Variants in PLEKHG3 observed in about 807,000 individuals in gnomAD.
PLEKHG3 encodes pleckstrin homology and RhoGEF domain containing G3, also known as pleckstrin homology domain-containing family G member 3.
Under a neutral mutation model 94.9 loss-of-function variants are expected in PLEKHG3, and 62 were observed. The observed-to-expected ratio is 0.65, with a 90% CI of 0.53 to 0.81. The LOEUF (loss-of-function observed/expected upper bound fraction) is 0.81. Ranked by LOEUF, PLEKHG3 falls within the 30% of genes least tolerant of loss-of-function variation. The pLI is 0.00. For missense variants in PLEKHG3, 1,461 were observed against 1,619.3 expected (o/e 0.90, Z 1.68); for synonymous variants, 614 against 654.0 (o/e 0.94, Z 0.93).
At position 64,741,707 on chromosome 14, in the gene PLEKHG3, T is replaced by C. The variant is rs199553687; in HGVS notation, c.2190T>C (p.His730=). The change falls in exon 16 of 17, where the codon CAT becomes CAC. Residue 730 remains histidine, a synonymous_variant. Coordinates refer to ENST00000247226, the MANE Select transcript of PLEKHG3 (RefSeq NM_001308147.2). ...IKSYYENAEH[H]DAGFSVRRRE... ...GCTATTATGAAAATGCAGAACACCATGATGCAGGCTTCAGCGTCCGTCGCC... is the reference window on the plus strand; with the variant it reads ...GCTATTATGAAAATGCAGAACACCACGATGCAGGCTTCAGCGTCCGTCGCC... The C allele has an allele frequency of 2.5e-6, 4 of 1,613,058 alleles. No individual in the cohort carries two copies. Among genetic ancestry groups the C allele is most frequent in the Admixed American group, 3.3e-5 (2 of 60,022 alleles).
chr14:64,743,137 C>T lies in PLEKHG3; in HGVS notation c.3094C>T (p.Arg1032Trp), dbSNP rs199994225. 193 of 1,611,538 alleles carry T rather than the reference C, an allele frequency of 1.2e-4. 2 individuals carry two copies. The East Asian group carries it at 1.5e-3, about 13-fold the overall frequency. ...CCAGAGGACCACCTCGCCTGGGGGC[C>T]GGCCCTCCGCCCGGAGCCCCCTCAG... ...VSQRTTSPGG[R>W]PSARSPLSPT... Residue 1032 changes from arginine to tryptophan, a missense_variant, in exon 17 of 17, where the codon CGG becomes TGG. Arg to Trp is a moderately radical substitution (Grantham distance 101). Coordinates refer to ENST00000247226, the MANE Select transcript of PLEKHG3 (RefSeq NM_001308147.2). This position sits in a 1 kb window ranked among gnomAD's most constrained non-coding sequence, Gnocchi z 7.2.
At position 64,737,788 on chromosome 14, in the gene PLEKHG3, C is replaced by G. The variant is rs185527981; in HGVS notation, c.1404+413C>G. 3,600 of 766,246 alleles carry G rather than the reference C, an allele frequency of 4.7e-3. 130 individuals carry two copies. In the African/African-American group the frequency reaches 0.063, roughly 13 times the overall value. The allele number at this position is 766,246 out of a possible 1,614,324, so 47.5% of individuals were successfully genotyped here. ...GTGGCTTTCTGTGTGAAGGCTCCCC[C>G]CCCGCAGCTGCCTGCAGGAGGACGG... is the stretch of plus-strand genomic sequence containing the variant. On this transcript the variant is annotated intron_variant, in intron 14 of 16. Transcript: ENST00000247226.
chr14:64,731,465 G>A lies in PLEKHG3; in HGVS notation c.954G>A (p.Arg318=), dbSNP rs201067924. The change falls in exon 8 of 17, where the codon AGG becomes AGA. Residue 318 remains arginine, a synonymous_variant. Coordinates refer to ENST00000247226, the MANE Select transcript of PLEKHG3 (RefSeq NM_001308147.2). The surrounding 1 kb of genome is among the most constrained non-coding windows in gnomAD (Gnocchi z 6.1). ...GCGTGCATCGCGTGCGCAATGAAAG[G>A]ACCTTTTTCCTCTTTGACAAAACAC... ...TFRVHRVRNE[R]TFFLFDKTLL... is the part of the protein sequence containing the mutation. The A allele has an allele frequency of 6.2e-6, 10 of 1,614,088 alleles. No homozygotes were observed. The East Asian group carries it at 1.6e-4, about 25-fold the overall frequency.
Position 64,749,069 on chromosome 14 carries a change from A to T in PLEKHG3, c.*5366A>T, listed in dbSNP as rs925702440. 3 of 448,692 alleles carry T rather than the reference A, an allele frequency of 6.7e-6. No homozygotes were observed. The highest frequency in any genetic ancestry group is 1.2e-5 in the Non-Finnish European group (3 of 252,222). 27.8% of individuals were successfully genotyped at this position (448,692 alleles called of 1,614,324 possible). A position where few individuals can be genotyped will look rare whatever the true frequency, so the allele number is the denominator to read the frequency against. The stretch of plus-strand genomic sequence containing the variant: ...GGCCTGGAGGCCCCAAAGGCGCCAG[A>T]GGAGCTGGGAGCCCCTGTCCCTGGA... On this transcript the variant is annotated 3_prime_UTR_variant, in exon 17 of 17. Coordinates refer to ENST00000247226, the MANE Select transcript of PLEKHG3 (RefSeq NM_001308147.2). The surrounding 1 kb of genome is among the most constrained non-coding windows in gnomAD (Gnocchi z 4.7).
At position 64,741,934 on chromosome 14, in the gene PLEKHG3, C is replaced by A; in HGVS notation, c.2417C>A (p.Ala806Asp). ...GGGGACCCACCTCCCATCTCAGATG[C>A]TGAGTTCCGCCCATCTTCAGAAATT... ...VKGDPPPISD[A>D]EFRPSSEIVK... is the part of the protein sequence containing the mutation. The change falls in exon 16 of 17, where the codon GCT becomes GAT. Residue 806 changes from alanine (A) to aspartate (D), a missense_variant. Physicochemically the swap from Ala to Asp is moderately radical, Grantham distance 126 (BLOSUM62 -2). Coordinates refer to ENST00000247226, the MANE Select transcript of PLEKHG3 (RefSeq NM_001308147.2). 1 of 1,584,576 alleles carries A rather than the reference C, an allele frequency of 6.3e-7. No homozygotes were observed. The highest frequency in any genetic ancestry group is 1.2e-5 in the South Asian group (1 of 86,304).
At position 64,731,604 on chromosome 14, in the gene PLEKHG3, C is replaced by T. The variant is rs2081466315; in HGVS notation, c.1032+61C>T. The stretch of plus-strand genomic sequence containing the variant: ...CTCTCCTTCCCAAAGGATCTGGGCT[C>T]CCCTTCTTGTCTGCTTCTTGGGGCT... On this transcript the variant is annotated intron_variant, in intron 8 of 16. Coordinates refer to ENST00000247226, the MANE Select transcript of PLEKHG3 (RefSeq NM_001308147.2). This position sits in a 1 kb window ranked among gnomAD's most constrained non-coding sequence, Gnocchi z 6.1. The T allele has an allele frequency of 6.4e-7, 1 of 1,568,084 alleles. No individual in the cohort carries two copies. Among genetic ancestry groups the T allele is most frequent in the Non-Finnish European group, 8.8e-7 (1 of 1,138,662 alleles).
At position 64,731,245 on chromosome 14, in the gene PLEKHG3, C is replaced by A; in HGVS notation, c.849+76C>A. ...CTTCCGCTGGGAAGAGGGACTGTGG[C>A]CACCCTGCTGGGATGAGCTGGGCAG... On this transcript the variant is annotated intron_variant, in intron 7 of 16. Coordinates refer to ENST00000247226, the MANE Select transcript of PLEKHG3 (RefSeq NM_001308147.2). The surrounding 1 kb of genome is among the most constrained non-coding windows in gnomAD (Gnocchi z 6.1). 1 of 1,483,480 alleles carries A rather than the reference C, an allele frequency of 6.7e-7. No homozygotes were observed. Among genetic ancestry groups the A allele is most frequent in the South Asian group, 1.2e-5 (1 of 84,198 alleles). 91.9% of individuals were successfully genotyped at this position (1,483,480 alleles called of 1,614,324 possible). A position where few individuals can be genotyped will look rare whatever the true frequency, so the allele number is the denominator to read the frequency against.
Position 64,728,063 on chromosome 14 carries a change from T to G in PLEKHG3, c.351+81T>G, listed in dbSNP as rs2081388279. ...GGAGGGAAGCTCTCAAAAGACCTGCTTCCCATAAAGTAGTTGGAGAACTGG... is the reference window on the plus strand; with the variant it reads ...GGAGGGAAGCTCTCAAAAGACCTGCGTCCCATAAAGTAGTTGGAGAACTGG... On this transcript the variant is annotated intron_variant, in intron 2 of 16. Coordinates refer to ENST00000247226, the MANE Select transcript of PLEKHG3 (RefSeq NM_001308147.2). This position sits in a 1 kb window ranked among gnomAD's most constrained non-coding sequence, Gnocchi z 5.9. The G allele has an allele frequency of 2.2e-5, 20 of 910,520 alleles. No individual in the cohort carries two copies. The highest frequency in any genetic ancestry group is 3.3e-5 in the African/African-American group (2 of 59,784). 56.4% of individuals were successfully genotyped at this position (910,520 alleles called of 1,614,324 possible).
Position 64,750,109 on chromosome 14 carries a change from G to C in PLEKHG3, c.*6406G>C. The C allele has an allele frequency of 1.2e-6, 2 of 1,614,164 alleles. No homozygotes were observed. ...CCAGGTTCTTGGCATCCTTGTAGAAGGTTAGCTCACTGTTCCTGAGCACAC... is the reference window on the plus strand; with the variant it reads ...CCAGGTTCTTGGCATCCTTGTAGAACGTTAGCTCACTGTTCCTGAGCACAC... On this transcript the variant is annotated 3_prime_UTR_variant, in exon 17 of 17. Coordinates refer to ENST00000247226, the MANE Select transcript of PLEKHG3 (RefSeq NM_001308147.2).
At chr14:64,734,710 C>T (rs2081537026) in intron 12 of PLEKHG3, among the ~76,000 whole-genome samples, 1 of 149,624 alleles carries the variant, frequency 6.7e-6, no homozygotes, top group Non-Finnish European at 1.5e-5. Context: ...CCCTCCCTCC[C>T]TCCCTTCCTT....
At chr14:64,736,778 G>T (rs1394943938) in intron 12 of PLEKHG3, 75 bp from the exon 13 acceptor site, 3 of 1,055,686 alleles carry the variant, frequency 2.8e-6, no homozygotes, top group South Asian at 2.5e-5. Flanking sequence ...GGCTGGTGGC[G>T]CTGTGAGCTT....
intron 1 of PLEKHG3, among the ~76,000 whole-genome samples, chr14:64,714,263 A>G (rs1017825731): frequency 2.6e-5 from 4 of 152,202 alleles, no homozygotes; most frequent in African/African-American, 9.7e-5. Flanking sequence ...TCTGGGGCAT[A>G]TGAGACATGT....
At position 64,726,014 on chromosome 14, in the gene PLEKHG3, A is replaced by G. The variant is rs114036469; in HGVS notation, c.-39-1579A>G. Among the ~76,000 whole-genome samples, 788 of 152,300 alleles carry G rather than the reference A, an allele frequency of 5.2e-3. 9 individuals are homozygous for G. The highest frequency in any genetic ancestry group is 0.018 in the African/African-American group (753 of 41,544). On this transcript the variant is annotated intron_variant, in intron 1 of 16. Transcript: ENST00000247226. The surrounding 1 kb of genome is among the most constrained non-coding windows in gnomAD (Gnocchi z 5.1). ...CAGTAGGAGAAACCTGGGAGGTAGT[A>G]AGAGAACACAGAAAGAGTTCCCCAG...
rs1039874846 is a variant in PLEKHG3 at position 64,743,279 on chromosome 14, G to A, written c.3236G>A (p.Ser1079Asn). The A allele has an allele frequency of 3.7e-6, 6 of 1,607,350 alleles. No individual in the cohort carries two copies. The highest frequency in any genetic ancestry group is 3.4e-6 in the Non-Finnish European group (4 of 1,178,942). ...GRPRGPPVNR[S>N]HSVPENMVEP... Reference sequence around the variant, plus strand: ...CCCCGCGGCCCACCCGTCAACAGGAGCCACTCGGTGCCGGAGAACATGGTA... The same window carrying A: ...CCCCGCGGCCCACCCGTCAACAGGAACCACTCGGTGCCGGAGAACATGGTA... The change falls in exon 17 of 17, where the codon AGC becomes AAC. Residue 1079 changes from serine (S) to asparagine (N), a missense_variant. Around this residue, in one of 3 missense-constraint regions of PLEKHG3, gnomAD observed 1,201 missense variants for 1,295.5 expected, o/e 0.93. Coordinates refer to ENST00000247226, the MANE Select transcript of PLEKHG3 (RefSeq NM_001308147.2). The surrounding 1 kb of genome is among the most constrained non-coding windows in gnomAD (Gnocchi z 7.2).
chr14:64,730,721 C>T lies in PLEKHG3; in HGVS notation c.566+33C>T. ...ATTGGGGTGAGAGGGAAGGCAGAGC[C>T]ATTTGGTGAGTCCAGAGCCCCCCAC... On this transcript the variant is annotated intron_variant, in intron 5 of 16. Coordinates refer to ENST00000247226, the MANE Select transcript of PLEKHG3 (RefSeq NM_001308147.2). The surrounding 1 kb of genome is among the most constrained non-coding windows in gnomAD (Gnocchi z 5.4). 6.2e-7 allele frequency: 1 copy of T among 1,612,432 alleles called. No homozygotes were observed. The highest frequency in any genetic ancestry group is 8.5e-7 in the Non-Finnish European group (1 of 1,178,506).
chr14:64,732,319 C>A lies in PLEKHG3; in HGVS notation c.1213-108C>A. The stretch of plus-strand genomic sequence containing the variant: ...TGTCAGTACAGCAGATGCCCCGGGC[C>A]TTGGTGCAGCACTGTGGGGTGTCCT... On this transcript the variant is annotated intron_variant, in intron 10 of 16. Coordinates refer to ENST00000247226, the MANE Select transcript of PLEKHG3 (RefSeq NM_001308147.2). This position sits in a 1 kb window ranked among gnomAD's most constrained non-coding sequence, Gnocchi z 4.9. 1 of 1,255,676 alleles carries A rather than the reference C, an allele frequency of 8.0e-7. No homozygotes were observed. 77.8% of individuals were successfully genotyped at this position (1,255,676 alleles called of 1,614,324 possible).
In PLEKHG3 at chr14:64,731,542, C is replaced by A; in HGVS notation, c.1031C>A (p.Pro344Gln). The A allele has an allele frequency of 6.2e-7, 1 of 1,613,714 alleles. No individual in the cohort carries two copies. The highest frequency in any genetic ancestry group is 8.5e-7 in the Non-Finnish European group (1 of 1,179,708). ...CACTTTGTCTACAAGGGCAACATCC[C>A]GGTAACCAGGCCCTGCCCCATCTCC... ...GDHFVYKGNIPCSSLMLIEST... is the reference protein window; with the variant it reads ...GDHFVYKGNIQCSSLMLIEST... The change falls in exon 8 of 17, where the codon CCG becomes CAG. Residue 344 changes from proline to glutamine, a missense_variant and splice_region_variant. Transcript: ENST00000247226. The surrounding 1 kb of genome is among the most constrained non-coding windows in gnomAD (Gnocchi z 6.1).
Position 64,742,145 on chromosome 14 carries a change from C to T in PLEKHG3, c.2628C>T (p.Ser876=), listed in dbSNP as rs757128105. 4.3e-6 allele frequency: 7 copies of T among 1,611,584 alleles called. No homozygotes were observed. In the African/African-American group the frequency reaches 8.0e-5, roughly 18 times the overall value. ...GCTCCTCTCCCACTGAGGGGCGCAG[C>T]CCGGCCCACCTGGCCCGGGAGCTGA... ...PESSSPTEGR[S]PAHLARELKE... is the part of the protein sequence containing the mutation. The change falls in exon 16 of 17, where the codon AGC becomes AGT. Residue 876 remains serine (S), a synonymous_variant. Coordinates refer to ENST00000247226, the MANE Select transcript of PLEKHG3 (RefSeq NM_001308147.2).
rs2081870141 is a variant in PLEKHG3 at position 64,747,756 on chromosome 14, G to C, written c.*4053G>C. On this transcript the variant is annotated 3_prime_UTR_variant, in exon 17 of 17. Coordinates refer to ENST00000247226, the MANE Select transcript of PLEKHG3 (RefSeq NM_001308147.2). ...GATAGAAACTTGACTGCAGGCCCTG[G>C]GGACTTTCATGGTTTCCTTGGGGGA... The C allele has an allele frequency of 6.6e-6, 1 of 152,416 alleles. No homozygotes were observed. The highest frequency in any genetic ancestry group is 1.5e-5 in the Non-Finnish European group (1 of 68,290). The allele number at this position is 152,416 out of a possible 1,614,324, so 9.4% of individuals were successfully genotyped here.
Sources: allele counts gnomAD v4.1 joint callset (sites outside exome capture counted in the v4.1 genomes callset), GRCh38; gene constraint gnomAD v4.1.1; regional missense constraint gnomAD v4.1.1; non-coding constraint Gnocchi (gnomAD v3.1); transcripts MANE v1.5; gene names NCBI Gene and HGNC (gene_info 2026-07-23, HGNC 2026-07-21).